PWWP2B: variants seen among roughly 807,000 people sequenced by gnomAD.
PWWP2B encodes the protein PWWP domain-containing protein 2B.
PWWP2B carries 9 observed loss-of-function variants against 15.5 expected under a neutral mutation model. That is an observed-to-expected ratio of 0.58 (90% confidence interval 0.35 to 1.02). PWWP2B has a LOEUF of 1.02. PWWP2B is among the 50% of genes least tolerant of loss of function. The pLI, the probability that PWWP2B is intolerant of heterozygous loss-of-function variation, is 0.02. For missense variants in PWWP2B, 864 were observed against 865.3 expected (o/e 1.00, Z 0.02); for synonymous variants, 474 against 403.6 (o/e 1.17, Z -2.09).
chr10:132,406,344 G>GTCCAGGCCATGCCTCTGC (rs2069698339), intron 2 of PWWP2B, 55 bp downstream of exon 2: 1 of 1,432,752 alleles, frequency 7.0e-7, no homozygotes, highest in East Asian at 2.4e-5. Context: ...TCACACCTGT[G>GTCCAGGCCATGCCTCTGC]TCCAGGCCAT....
rs12260234 is a variant in PWWP2B at position 132,400,004 on chromosome 10, G to A, written c.125+2653G>A. On this transcript the variant is annotated intron_variant, in intron 1 of 2. Coordinates refer to ENST00000305233, the MANE Select transcript of PWWP2B (RefSeq NM_138499.4). ...CTGTCCTCTGTGAACCACACCCTAGGCCAGACACCCTGGCCCACACTGAGA... is the reference window on the plus strand; with the variant it reads ...CTGTCCTCTGTGAACCACACCCTAGACCAGACACCCTGGCCCACACTGAGA... 3.3e-5 allele frequency among the ~76,000 whole-genome samples: 5 copies of A among 152,122 alleles called. No individual in the cohort carries two copies. The South Asian group carries it at 8.3e-4, about 25-fold the overall frequency.
In PWWP2B at chr10:132,405,256, C is replaced by T. The variant is rs756762261; in HGVS notation, c.756C>T (p.Val252=). ...APAEQVPRSP[V]IKISYSTPQG... is the part of the protein sequence containing the mutation. ...CAGAGCAGGTCCCGCGGAGCCCGGT[C>T]ATCAAGATCTCCTACAGCACGCCCC... The change falls in exon 2 of 3, where the codon GTC becomes GTT. Residue 252 remains valine (V), a synonymous_variant. Transcript: ENST00000305233. 3.1e-6 allele frequency: 5 copies of T among 1,610,794 alleles called. No homozygotes were observed. Among genetic ancestry groups the T allele is most frequent in the Non-Finnish European group, 4.2e-6 (5 of 1,179,250 alleles).
At position 132,404,905 on chromosome 10, in the gene PWWP2B, G is replaced by C. The variant is rs774053965; in HGVS notation, c.405G>C (p.Thr135=). Residue 135 remains threonine (T), a synonymous_variant, in exon 2 of 3, where the codon ACG becomes ACC. Transcript: ENST00000305233. The part of the protein sequence containing the change: ...PFPHPLWLRD[T]YKLWVPQPPP... ...CTCACCCGCTGTGGCTCCGGGACACGTACAAGCTGTGGGTGCCCCAGCCGC... is the reference window on the plus strand; with the variant it reads ...CTCACCCGCTGTGGCTCCGGGACACCTACAAGCTGTGGGTGCCCCAGCCGC... 9 of 1,594,568 alleles carry C rather than the reference G, an allele frequency of 5.6e-6. No homozygotes were observed. Among genetic ancestry groups the C allele is most frequent in the South Asian group, 1.1e-5 (1 of 90,928 alleles).
At chr10:132,402,312 C>A (rs1475321321) in intron 1 of PWWP2B, among the ~76,000 whole-genome samples, 1 of 152,274 alleles carries the variant, frequency 6.6e-6, no homozygotes, top group African/African-American at 2.4e-5. Flanking sequence ...GTTGCCCCCT[C>A]CCTCTGGCTG....
chr10:132,402,424 T>C (rs1340791814), intron 1 of PWWP2B, among the ~76,000 whole-genome samples: 1 of 152,206 alleles, frequency 6.6e-6, no homozygotes, highest in Non-Finnish European at 1.5e-5. Flanking sequence ...TTTCATTGGG[T>C]CCTATGGAGG....
At chr10:132,414,302 G>A (rs532057801) in intron 2 of PWWP2B, among the ~76,000 whole-genome samples, 2 of 152,376 alleles carry the variant, frequency 1.3e-5, no homozygotes, top group South Asian at 4.1e-4. Context: ...TGTTGTTGAT[G>A]GAGAAGGACT....
In PWWP2B at chr10:132,405,394, C is replaced by T; in HGVS notation, c.894C>T (p.Asp298=). The change falls in exon 2 of 3, where the codon GAC becomes GAT. Residue 298 remains aspartate, a synonymous_variant. Coordinates refer to ENST00000305233, the MANE Select transcript of PWWP2B (RefSeq NM_138499.4). The part of the protein sequence containing the change: ...DDGSQDPEVL[D]RESRDRPSCA... ...GCAGCCAGGACCCCGAGGTGCTGGA[C>T]AGAGAGTCCCGGGACCGGCCGTCCT... The T allele has an allele frequency of 6.2e-7, 1 of 1,611,204 alleles. No individual in the cohort carries two copies. The highest frequency in any genetic ancestry group is 8.5e-7 in the Non-Finnish European group (1 of 1,179,220).
At chr10:132,407,974 C>A (rs1455363890) in intron 2 of PWWP2B, among the ~76,000 whole-genome samples, 1 of 152,240 alleles carries the variant, frequency 6.6e-6, no homozygotes, top group African/African-American at 2.4e-5. Flanking sequence ...AGGCCTGAGG[C>A]CTTGGCTGGC....
chr10:132,401,101 C>T (rs913092805), intron 1 of PWWP2B, among the ~76,000 whole-genome samples: 3 of 152,224 alleles, frequency 2.0e-5, no homozygotes, highest in Non-Finnish European at 2.9e-5. Flanking sequence ...CCCAGGGCCG[C>T]CACGGCTGAG....
At position 132,404,797 on chromosome 10, in the gene PWWP2B, C is replaced by A; in HGVS notation, c.297C>A (p.Pro99=). Residue 99 remains proline (P), a synonymous_variant, in exon 2 of 3, where the codon CCC becomes CCA. Coordinates refer to ENST00000305233, the MANE Select transcript of PWWP2B (RefSeq NM_138499.4). ...RGVQPPETTR[P]EPPPPLVPPL... ...TTCAGCCCCCCGAGACCACCCGCCC[C>A]GAGCCACCCCCGCCCCTCGTGCCGC... is the stretch of plus-strand genomic sequence containing the variant. The A allele has an allele frequency of 6.6e-7, 1 of 1,516,104 alleles. No homozygotes were observed. The highest frequency in any genetic ancestry group is 9.0e-7 in the Non-Finnish European group (1 of 1,116,910). 93.9% of individuals were successfully genotyped at this position (1,516,104 alleles called of 1,614,324 possible). A position where few individuals can be genotyped will look rare whatever the true frequency, so the allele number is the denominator to read the frequency against.
At chr10:132,411,356 G>A (rs567515837) in intron 2 of PWWP2B, among the ~76,000 whole-genome samples, 2 of 152,352 alleles carry the variant, frequency 1.3e-5, no homozygotes, top group South Asian at 2.1e-4. Flanking sequence ...TAATCACAAC[G>A]CAAACACGAT....
In PWWP2B at chr10:132,404,753, C is replaced by G; in HGVS notation, c.253C>G (p.Pro85Ala). 1 of 1,589,596 alleles carries G rather than the reference C, an allele frequency of 6.3e-7. No individual in the cohort carries two copies. Reference sequence around the variant, plus strand: ...GGTGATGCAGCTGGGGTCCAGCTCCCCCCCTCCTGCCCGCGGGGTTCAGCC... The same window carrying G: ...GGTGATGCAGCTGGGGTCCAGCTCCGCCCCTCCTGCCCGCGGGGTTCAGCC... ...AEVMQLGSSS[P>A]PPARGVQPPE... The change falls in exon 2 of 3, where the codon CCC becomes GCC. Residue 85 changes from proline (P) to alanine (A), a missense_variant. Around this residue, in one of 2 missense-constraint regions of PWWP2B, gnomAD observed 736 missense variants for 687.7 expected, o/e 1.07. Coordinates refer to ENST00000305233, the MANE Select transcript of PWWP2B (RefSeq NM_138499.4).
chr10:132,416,063 T>A (rs2069850749), intron 2 of PWWP2B, among the ~76,000 whole-genome samples: 1 of 152,126 alleles, frequency 6.6e-6, no homozygotes, highest in African/African-American at 2.4e-5. Flanking sequence ...GCGGTTGCAG[T>A]TTCTCCCATG....
chr10:132,404,024 G>A (rs546275951), intron 1 of PWWP2B, among the ~76,000 whole-genome samples: 1 of 58,174 alleles, frequency 1.7e-5, no homozygotes, highest in African/African-American at 9.0e-5. Context: ...CCTGCAGGAC[G>A]GCATTCTCCA....
chr10:132,415,013 A>G (rs1201706318), intron 2 of PWWP2B, among the ~76,000 whole-genome samples: 5 of 152,222 alleles, frequency 3.3e-5, no homozygotes, highest in Non-Finnish European at 7.3e-5. Flanking sequence ...TGTCAATCTT[A>G]CTATGTACAA....
In PWWP2B at chr10:132,403,185, G is replaced by T. The variant is rs572771277; in HGVS notation, c.126-1441G>T. Among the ~76,000 whole-genome samples, 12 of 152,318 alleles carry T rather than the reference G, an allele frequency of 7.9e-5. No homozygotes were observed. In the South Asian group the frequency reaches 2.1e-3, roughly 26 times the overall value. ...GTGCCTGGCCAGAGGAGAATGGGGCGGGTGGCGCTCACTCTGACCACCCCC... is the reference window on the plus strand; with the variant it reads ...GTGCCTGGCCAGAGGAGAATGGGGCTGGTGGCGCTCACTCTGACCACCCCC... On this transcript the variant is annotated intron_variant, in intron 1 of 2. Transcript: ENST00000305233.
chr10:132,415,935 C>T (rs1244274469), intron 2 of PWWP2B, among the ~76,000 whole-genome samples: 1 of 152,214 alleles, frequency 6.6e-6, no homozygotes, highest in Non-Finnish European at 1.5e-5. Context: ...AGAATCCCCT[C>T]TTACATTCAT....
rs1483417565 is a variant in PWWP2B, at chr10:132,405,057, G to GC, written c.563dup (p.Glu189GlyfsTer144). ...TGTGAGAAGTGCAAGAGCACGCTGA[G>GC]CCCCCCGGAGGCCAGCCCCGGACCC... On this transcript the variant is annotated frameshift_variant, in exon 2 of 3. Coordinates refer to ENST00000305233, the MANE Select transcript of PWWP2B (RefSeq NM_138499.4). LOFTEE classifies it high-confidence loss of function. The GC allele has an allele frequency of 1.3e-6, 2 of 1,512,640 alleles. No individual in the cohort carries two copies. Among genetic ancestry groups the GC allele is most frequent in the Non-Finnish European group, 1.8e-6 (2 of 1,133,742 alleles). 93.7% of individuals were successfully genotyped at this position (1,512,640 alleles called of 1,614,324 possible). A position where few individuals can be genotyped will look rare whatever the true frequency, so the allele number is the denominator to read the frequency against.
rs532711259 is a variant in PWWP2B at position 132,409,024 on chromosome 10, C to T, written c.*16+2735C>T. Among the ~76,000 whole-genome samples the T allele has an allele frequency of 1.7e-3, 262 of 152,368 alleles. 2 individuals carry two copies. The highest frequency in any genetic ancestry group is 6.0e-3 in the African/African-American group (250 of 41,588). On this transcript the variant is annotated intron_variant, in intron 2 of 2. Transcript: ENST00000305233. ...GGTGCGCCGAGGCTGGGCTGGCCTC[C>T]TGTGCAGGAATAGAGGCCGTTGGGC...
Sources: allele counts gnomAD v4.1 joint callset (sites outside exome capture counted in the v4.1 genomes callset), GRCh38; gene constraint gnomAD v4.1.1; regional missense constraint gnomAD v4.1.1; transcripts MANE v1.5; gene names NCBI Gene and HGNC (gene_info 2026-07-23, HGNC 2026-07-21).